MGA: variants seen among roughly 807,000 people sequenced by gnomAD.
The protein encoded by MGA is MAX dimerization protein MGA, also known as MAX gene-associated protein.
In MGA, 40 loss-of-function variants were observed where a neutral mutation model predicts 261.1. That is an observed-to-expected ratio of 0.15 (90% CI 0.12 to 0.20). MGA has a LOEUF of 0.20. Ranked by LOEUF, MGA falls within the 10% of genes least tolerant of loss-of-function variation. The pLI is 1.00. For synonymous variants in MGA, 1,302 were observed against 1,290.6 expected, an observed-to-expected ratio of 1.01 and a Z score of -0.19; for missense variants, 3,397 against 3,630.5, an observed-to-expected ratio of 0.94 and a Z score of 1.65.
chr15:41,707,908 A>G, intron 6 of MGA, 49 bp downstream of exon 6: 1 of 1,582,158 alleles, frequency 6.3e-7, no homozygotes, highest in Non-Finnish European at 8.6e-7. Context: ...CTTGAAGTTT[A>G]CGTTATTTGT....
At chr15:41,703,358 T>C (rs62002069) in intron 5 of MGA, among the ~76,000 whole-genome samples, 89,835 of 120,936 alleles carry the variant, frequency 0.74, 35,300 homozygotes, top group East Asian at 0.88. Context: ...AGTTTATTCA[T>C]TGTGAAGTTA....
chr15:41,723,432 G>C (rs1280131090), intron 9 of MGA, among the ~76,000 whole-genome samples: 1 of 151,974 alleles, frequency 6.6e-6, no homozygotes, highest in Non-Finnish European at 1.5e-5. Context: ...ATATATTTTT[G>C]AGAGAGAGGG....
At chr15:41,649,765 C>T (rs1347733538) in intron 1 of MGA, among the ~76,000 whole-genome samples, 6 of 152,112 alleles carry the variant, frequency 3.9e-5, no homozygotes, top group African/African-American at 7.2e-5. Context: ...CTGCAACCTC[C>T]GCCTCCCAGG....
chr15:41,717,903 T>TGG (rs1309574443), intron 9 of MGA, among the ~76,000 whole-genome samples: 1 of 152,008 alleles, frequency 6.6e-6, no homozygotes, highest in Non-Finnish European at 1.5e-5. Context: ...AAGTGGGGTG[T>TGG]ATCCTAGAAG....
At chr15:41,733,521 T>C (rs920541950) in intron 11 of MGA, among the ~76,000 whole-genome samples, 2 of 152,216 alleles carry the variant, frequency 1.3e-5, no homozygotes, top group Non-Finnish European at 2.9e-5. Flanking sequence ...CCACCTTCGC[T>C]TGTACTGCCA....
chr15:41,638,112 G>C (rs949832200), intron 1 of MGA, among the ~76,000 whole-genome samples: 1 of 124,374 alleles, frequency 8.0e-6, no homozygotes, highest in African/African-American at 3.2e-5. Context: ...GTGAGATCTC[G>C]GCTCATTGCA....
At chr15:41,656,972 T>C (rs2057216295), upstream of MGA, among the ~76,000 whole-genome samples, 1 of 152,062 alleles carries the variant, frequency 6.6e-6, no homozygotes, top group Non-Finnish European at 1.5e-5. Context: ...GGGTTCTCAC[T>C]ATGTTGTCCA....
chr15:41,670,015 G>A lies in MGA; in HGVS notation c.1064+57G>A, dbSNP rs61510600. Reference sequence around the variant, plus strand: ...AAAGGAAGATTGAGATGGGCCAGGTGTTGGATTTAACATCTTGGTTCTGTG... The same window carrying A: ...AAAGGAAGATTGAGATGGGCCAGGTATTGGATTTAACATCTTGGTTCTGTG... On this transcript the variant is annotated intron_variant, in intron 2 of 23. Transcript: ENST00000219905. 9,867 of 1,401,890 alleles carry A rather than the reference G, an allele frequency of 7.0e-3. 645 individuals are homozygous for A. In the African/African-American group the frequency reaches 0.13, roughly 18 times the overall value. 86.8% of individuals were successfully genotyped at this position (1,401,890 alleles called of 1,614,324 possible). A position where few individuals can be genotyped will look rare whatever the true frequency, so the allele number is the denominator to read the frequency against.
At chr15:41,661,984 G>A (rs900012000) in intron 1 of MGA, among the ~76,000 whole-genome samples, 2 of 152,070 alleles carry the variant, frequency 1.3e-5, no homozygotes, top group African/African-American at 2.4e-5. Flanking sequence ...GTGGTTCTTG[G>A]CCAGCTGTCC....
chr15:41,642,478 T>TTTATTA (rs919506386), intron 1 of MGA, among the ~76,000 whole-genome samples: 19 of 151,056 alleles, frequency 1.3e-4, no homozygotes, highest in Admixed American at 5.3e-4. Context: ...CCCAGCTAAT[T>TTTATTA]TTATTATTAT....
intron 2 of MGA, among the ~76,000 whole-genome samples, chr15:41,677,243 G>GCGATCCTCCCACCCTAGCCTCC (rs1261639847): frequency 1.3e-5 from 2 of 152,214 alleles, no homozygotes; most frequent in Non-Finnish European, 2.9e-5. Context: ...CTGTGTCCAA[G>GCGATCCTCCCACCCTAGCCTCC]CGATCCTCCC....
At chr15:41,635,692 A>G (rs924985326) in intron 1 of MGA, among the ~76,000 whole-genome samples, 1 of 152,174 alleles carries the variant, frequency 6.6e-6, no homozygotes, top group African/African-American at 2.4e-5. Context: ...TGGGTGTCTC[A>G]GAAAAAAGAA....
At chr15:41,644,346 CAAAAAAAAAA>C (rs34743222) in intron 1 of MGA, among the ~76,000 whole-genome samples, 1 of 65,696 alleles carries the variant, frequency 1.5e-5, no homozygotes, top group Non-Finnish European at 2.8e-5. Flanking sequence ...CCATCTGTAC[CAAAAAAAAAA>C]AAAAAAAAAA....
At position 41,696,898 on chromosome 15, in the gene MGA, A is replaced by G; in HGVS notation, c.1888A>G (p.Lys630Glu). 1.9e-6 allele frequency: 3 copies of G among 1,599,026 alleles called. No individual in the cohort carries two copies. Among genetic ancestry groups the G allele is most frequent in the Non-Finnish European group, 2.6e-6 (3 of 1,172,360 alleles). ...ACTCTGTAAGGCAGGACGACCACCTAAGAACACAGGAAAGTCTTTAATTTC... is the reference window on the plus strand; with the variant it reads ...ACTCTGTAAGGCAGGACGACCACCTGAGAACACAGGAAAGTCTTTAATTTC... The change falls in exon 3 of 24, where the codon AAG becomes GAG. Residue 630 changes from lysine to glutamate, a missense_variant. Physicochemically the swap from Lys to Glu is moderately conservative, Grantham distance 56. Around this residue, in one of 9 missense-constraint regions of MGA, gnomAD observed 563 missense variants for 563.6 expected, o/e 1.00. Transcript: ENST00000219905.
chr15:41,681,704 C>T (rs769312986), intron 2 of MGA, among the ~76,000 whole-genome samples: 1 of 152,144 alleles, frequency 6.6e-6, no homozygotes, highest in Admixed American at 6.5e-5. Context: ...CCTGCCTTGG[C>T]CTCCCAAAGT....
chr15:41,703,603 G>A (rs2059964235), intron 5 of MGA, among the ~76,000 whole-genome samples: 1 of 152,154 alleles, frequency 6.6e-6, no homozygotes, highest in East Asian at 1.9e-4. Context: ...TTTACTGGGT[G>A]TGGTGGTGCG....
intron 9 of MGA, among the ~76,000 whole-genome samples, chr15:41,718,888 G>A (rs190833183): frequency 1.3e-5 from 2 of 152,114 alleles, no homozygotes; most frequent in East Asian, 3.9e-4. Flanking sequence ...TCTGTTTAAC[G>A]TTATGTACAG....
intron 7 of MGA, among the ~76,000 whole-genome samples, chr15:41,709,455 G>A (rs1258643547): frequency 3.3e-5 from 5 of 151,838 alleles, no homozygotes; most frequent in South Asian, 2.1e-4. Flanking sequence ...TTTCTCCCTC[G>A]CTTTTTAAAG....
chr15:41,739,117 T>C (rs896058083), intron 13 of MGA, among the ~76,000 whole-genome samples: 86 of 152,012 alleles, frequency 5.7e-4, no homozygotes, highest in African/African-American at 2.0e-3. Context: ...GAAGTTTTTG[T>C]TTTCTTTCTT....
Sources: allele counts gnomAD v4.1 joint callset (sites outside exome capture counted in the v4.1 genomes callset), GRCh38; gene constraint gnomAD v4.1.1; regional missense constraint gnomAD v4.1.1; transcripts MANE v1.5; gene names NCBI Gene and HGNC (gene_info 2026-07-23, HGNC 2026-07-21).